The following PARVB variants were observed in gnomAD, a reference collection of about 807,000 sequenced individuals.
PARVB encodes the protein beta-parvin.
PARVB carries 46 observed loss-of-function variants against 47.0 expected under a neutral mutation model. That is an observed-to-expected ratio of 0.98 (90% CI 0.77 to 1.25). The LOEUF (loss-of-function observed/expected upper bound fraction) is 1.25. PARVB is among the 50% of genes most tolerant of loss of function. The pLI is 0.00. For synonymous variants in PARVB, 196 were observed against 196.3 expected (o/e 1.00, Z 0.01); for missense variants, 473 against 471.6 (o/e 1.00, Z -0.03).
intron 1 of PARVB, among the ~76,000 whole-genome samples, chr22:44,034,976 A>G (rs1310592945): frequency 6.6e-6 from 1 of 151,824 alleles, no homozygotes; most frequent in African/African-American, 2.4e-5. Flanking sequence ...CTTCCAAAGT[A>G]CTGGTATTAC....
chr22:44,134,257 C>T (rs2147168701), intron 6 of PARVB, among the ~76,000 whole-genome samples: 1 of 152,268 alleles, frequency 6.6e-6, no homozygotes, highest in East Asian at 1.9e-4. Context: ...ATGTTTCCTT[C>T]CTAAGGAGGA....
At chr22:44,090,300 C>T (rs1161330440) in intron 1 of PARVB, among the ~76,000 whole-genome samples, 1 of 152,200 alleles carries the variant, frequency 6.6e-6, no homozygotes, top group South Asian at 2.1e-4. Context: ...CCAGCCTGTG[C>T]CCCCCTCCTC....
intron 8 of PARVB, chr22:44,146,259 C>T (rs1016328931): frequency 7.6e-5 from 11 of 145,108 alleles, no homozygotes; most frequent in Non-Finnish European, 1.5e-4. Flanking sequence ...CACGTACACA[C>T]GCTCACAGCA....
chr22:44,028,472 A>AG, intron 1 of PARVB, among the ~76,000 whole-genome samples: 1 of 152,196 alleles, frequency 6.6e-6, no homozygotes, highest in Admixed American at 6.5e-5. Context: ...ATGTCTTCTC[A>AG]GGGCTTGGTA....
intron 1 of PARVB, among the ~76,000 whole-genome samples, chr22:44,035,968 T>C (rs1039650557): frequency 1.3e-5 from 2 of 152,172 alleles, no homozygotes; most frequent in Non-Finnish European, 2.9e-5. Context: ...TATTGAATAC[T>C]GCATCTTGGC....
At chr22:44,156,635 C>T (rs577893025) in intron 10 of PARVB, among the ~76,000 whole-genome samples, 9 of 152,062 alleles carry the variant, frequency 5.9e-5, no homozygotes, top group African/African-American at 2.2e-4. Context: ...ATTGTTTGTA[C>T]AATAACGTGA....
chr22:44,096,243 A>C (rs2052304988), intron 2 of PARVB, among the ~76,000 whole-genome samples: 1 of 152,046 alleles, frequency 6.6e-6, no homozygotes, highest in Non-Finnish European at 1.5e-5. Flanking sequence ...AATAAAATAA[A>C]ATAATTAGCC....
At chr22:44,076,460 C>T (rs1460101907) in intron 1 of PARVB, among the ~76,000 whole-genome samples, 2 of 152,224 alleles carry the variant, frequency 1.3e-5, no homozygotes, top group Non-Finnish European at 2.9e-5. Context: ...AGGCTCTTCC[C>T]TCCGGAGGGT....
intron 4 of PARVB, chr22:44,120,066 G>A (rs912686298): frequency 3.7e-5 from 13 of 354,984 alleles, no homozygotes; most frequent in South Asian, 8.4e-5. Context: ...AGGTGGGGAC[G>A]TTGGGGCCCA....
At chr22:44,140,602 C>T (rs112160676) in intron 8 of PARVB, 3 of 519,992 alleles carry the variant, frequency 5.8e-6, no homozygotes, top group African/African-American at 5.8e-5. Context: ...TCCTTAGAGT[C>T]AGGCAGCCAG....
chr22:44,145,828 C>T (rs2053652139), intron 8 of PARVB: 2 of 152,202 alleles, frequency 1.3e-5, no homozygotes, highest in South Asian at 4.1e-4. Flanking sequence ...ACGTCAAGCA[C>T]TCTTCTGCTC....
At chr22:44,106,150 T>G (rs1204682158) in intron 3 of PARVB, 3 of 147,558 alleles carry the variant, frequency 2.0e-5, no homozygotes, top group East Asian at 4.0e-4. Context: ...TTTTTTTTTT[T>G]TTTTTTTTTT....
At chr22:44,160,056 C>T (rs1318382321) in intron 11 of PARVB, among the ~76,000 whole-genome samples, 1 of 152,222 alleles carries the variant, frequency 6.6e-6, no homozygotes, top group African/African-American at 2.4e-5. Context: ...AGCTCAGAGC[C>T]TGTAGGCTCG....
At position 44,061,768 on chromosome 22, in the gene PARVB, T is replaced by C. The variant is rs1411669529; in HGVS notation, c.113-32160T>C. ...AGTAGCTGAGACTATAGGTGCGCAC[T>C]ACCACACCCAGCTAATTTTTGTATC... On this transcript the variant is annotated intron_variant, in intron 1 of 12. Coordinates refer to ENST00000338758, the MANE Select transcript of PARVB (RefSeq NM_013327.5). Among the ~76,000 whole-genome samples the C allele has an allele frequency of 2.0e-5, 3 of 151,928 alleles. No homozygotes were observed. In the East Asian group the frequency reaches 5.8e-4, roughly 30 times the overall value.
chr22:44,016,183 A>G (rs184920087), intron 2 of PARVB, among the ~76,000 whole-genome samples: 203 of 138,346 alleles, frequency 1.5e-3, no homozygotes, highest in Middle Eastern at 7.2e-3. Flanking sequence ...TGCAAGCTCC[A>G]CCTCCCAGGT....
chr22:44,154,703 G>A (rs1253163869), intron 10 of PARVB, among the ~76,000 whole-genome samples: 1 of 121,494 alleles, frequency 8.2e-6, no homozygotes, highest in Non-Finnish European at 1.7e-5. Context: ...TGTCTGTGTG[G>A]TGTGTGTGTG....
At chr22:44,012,737 A>AT (rs2050535515) in intron 2 of PARVB, among the ~76,000 whole-genome samples, 1 of 111,020 alleles carries the variant, frequency 9.0e-6, no homozygotes, top group South Asian at 3.1e-4. Flanking sequence ...ACAAGAAGAC[A>AT]TTTCACAGTC....
At position 44,048,198 on chromosome 22, in the gene PARVB, C is replaced by A. The variant is rs117430658; in HGVS notation, c.112+23747C>A. 1.4e-4 allele frequency among the ~76,000 whole-genome samples: 21 copies of A among 152,278 alleles called. No individual in the cohort carries two copies. The South Asian group carries it at 3.5e-3, about 26-fold the overall frequency. ...CTGAAATCTTCTTGATACTTTTTCA[C>A]TGGGGCCTGAAAGCCTGGTGCAGAA... On this transcript the variant is annotated intron_variant, in intron 1 of 12. Transcript: ENST00000338758.
At chr22:44,015,469 A>G (rs918364911) in intron 2 of PARVB, among the ~76,000 whole-genome samples, 21 of 152,342 alleles carry the variant, frequency 1.4e-4, no homozygotes, top group Admixed American at 4.6e-4. Context: ...TACCACGTAT[A>G]CAATAAAGAA....
Sources: allele counts gnomAD v4.1 joint callset (sites outside exome capture counted in the v4.1 genomes callset), GRCh38; gene constraint gnomAD v4.1.1; transcripts MANE v1.5; gene names NCBI Gene and HGNC (gene_info 2026-07-23, HGNC 2026-07-21).